Variants in NPAS3 observed in about 807,000 individuals in gnomAD.
The protein encoded by NPAS3 is neuronal PAS domain-containing protein 3.
Under a neutral mutation model 73.1 loss-of-function variants are expected in NPAS3, and 14 were observed. That is an observed-to-expected ratio of 0.19 (90% CI 0.13 to 0.30). The LOEUF (loss-of-function observed/expected upper bound fraction) is 0.30. NPAS3 is among the 10% of genes least tolerant of loss of function. The pLI, the probability that NPAS3 is intolerant of heterozygous loss-of-function variation, is 1.00. For synonymous variants in NPAS3, 620 were observed against 541.5 expected (o/e 1.14, Z -2.01); for missense variants, 1,096 against 1,250.0 (o/e 0.88, Z 1.86).
chr14:33,434,934 G>T (rs141849104), intron 4 of NPAS3, among the ~76,000 whole-genome samples: 2 of 152,150 alleles, frequency 1.3e-5, no homozygotes, highest in African/African-American at 4.8e-5. Context: ...GTAATTTTGA[G>T]GGGGGTGTGG....
At chr14:33,215,924 A>G (rs1594417418) in intron 3 of NPAS3, among the ~76,000 whole-genome samples, 3 of 152,192 alleles carry the variant, frequency 2.0e-5, no homozygotes, top group South Asian at 2.1e-4. Flanking sequence ...CTCTATATAC[A>G]TATTACCTAA....
At chr14:33,475,351 C>T (rs189510866) in intron 4 of NPAS3, among the ~76,000 whole-genome samples, 80 of 152,102 alleles carry the variant, frequency 5.3e-4, no homozygotes, top group Admixed American at 1.3e-3. Flanking sequence ...TAATAATGCA[C>T]ATTAAAAAAG....
chr14:33,723,418 G>A (rs79375264), intron 6 of NPAS3, among the ~76,000 whole-genome samples: 4 of 152,160 alleles, frequency 2.6e-5, no homozygotes, highest in South Asian at 4.2e-4. Context: ...ATCATTTGTT[G>A]TTTACCTGAA....
chr14:33,758,620 T>C (rs1008790140), intron 7 of NPAS3, among the ~76,000 whole-genome samples: 32 of 152,264 alleles, frequency 2.1e-4, no homozygotes, highest in African/African-American at 7.7e-4. Flanking sequence ...TAGAAATTCT[T>C]CTCAATGAAA....
intron 5 of NPAS3, among the ~76,000 whole-genome samples, chr14:33,631,533 G>T (rs769992526): frequency 6.6e-6 from 1 of 152,208 alleles, no homozygotes; most frequent in Non-Finnish European, 1.5e-5. Flanking sequence ...GGAAGAGCAC[G>T]TGTCCCAGTG....
intron 2 of NPAS3, among the ~76,000 whole-genome samples, chr14:33,145,558 T>C (rs2044209125): frequency 6.6e-6 from 1 of 152,220 alleles, no homozygotes. Context: ...ATCTACTTTC[T>C]ATTCTTCCTA....
chr14:33,565,240 A>G (rs535812887), intron 5 of NPAS3, among the ~76,000 whole-genome samples: 1 of 152,306 alleles, frequency 6.6e-6, no homozygotes, highest in South Asian at 2.1e-4. Flanking sequence ...CCTGTTGTTC[A>G]TCTCCATATT....
chr14:33,740,913 A>T (rs2140685493), intron 7 of NPAS3, among the ~76,000 whole-genome samples: 1 of 152,262 alleles, frequency 6.6e-6, no homozygotes, highest in South Asian at 2.1e-4. Context: ...TCTTCTGGAA[A>T]AACTCCATGA....
At chr14:33,168,550 A>G (rs2045258345) in intron 2 of NPAS3, among the ~76,000 whole-genome samples, 1 of 152,172 alleles carries the variant, frequency 6.6e-6, no homozygotes, top group Non-Finnish European at 1.5e-5. Flanking sequence ...CCAAGCCCCT[A>G]AAGATCTTGT....
At chr14:32,935,588 A>AT (rs1254702755), upstream of NPAS3, among the ~76,000 whole-genome samples, 4 of 152,260 alleles carry the variant, frequency 2.6e-5, no homozygotes, top group Non-Finnish European at 5.9e-5. Context: ...ATGCAAATGC[A>AT]TAAGATTCAG....
At chr14:33,784,733 AT>A (rs1361050440) in intron 9 of NPAS3, among the ~76,000 whole-genome samples, 2 of 78,302 alleles carry the variant, frequency 2.6e-5, no homozygotes, top group African/African-American at 1.4e-4. Context: ...TTATTTATTT[AT>A]TTATTTATTT....
At chr14:33,087,894 A>G (rs1019478464) in intron 2 of NPAS3, among the ~76,000 whole-genome samples, 4 of 152,186 alleles carry the variant, frequency 2.6e-5, no homozygotes, top group African/African-American at 9.7e-5. Flanking sequence ...TATATTCATA[A>G]TTGTTTTCAT....
At chr14:32,989,523 A>G (rs529595508) in intron 1 of NPAS3, among the ~76,000 whole-genome samples, 26 of 152,258 alleles carry the variant, frequency 1.7e-4, no homozygotes, top group Admixed American at 1.6e-3. Flanking sequence ...GGGCGCCTGT[A>G]GTCCCAGCTA....
intron 4 of NPAS3, among the ~76,000 whole-genome samples, chr14:33,495,659 G>A (rs936938965): frequency 6.6e-6 from 1 of 152,068 alleles, no homozygotes; most frequent in African/African-American, 2.4e-5. Flanking sequence ...GGGTACTACT[G>A]TGTTAGGTGC....
chr14:33,517,944 T>C (rs1054497445), intron 4 of NPAS3, among the ~76,000 whole-genome samples: 8 of 151,974 alleles, frequency 5.3e-5, no homozygotes. Context: ...CCCAGCACCC[T>C]CCCTGAACCA....
At chr14:33,564,023 T>TA (rs1450499183) in intron 5 of NPAS3, among the ~76,000 whole-genome samples, 1 of 152,206 alleles carries the variant, frequency 6.6e-6, no homozygotes, top group Non-Finnish European at 1.5e-5. Flanking sequence ...TGTTGGCTTA[T>TA]ACTCTCCTCT....
Position 33,242,799 on chromosome 14 carries a change from C to T in NPAS3, c.385+27373C>T, listed in dbSNP as rs959253466. ...GATAATATGGTTTGTGCTTACATTG[C>T]TCCAAGATAAATCTAAGACAATATG... is the stretch of plus-strand genomic sequence containing the variant. On this transcript the variant is annotated intron_variant, in intron 3 of 11. Transcript: ENST00000356141. Among the ~76,000 whole-genome samples the T allele has an allele frequency of 3.3e-5, 5 of 152,072 alleles. No individual in the cohort carries two copies. The East Asian group carries it at 9.6e-4, about 29-fold the overall frequency.
At chr14:33,112,286 A>G (rs1313232662) in intron 2 of NPAS3, among the ~76,000 whole-genome samples, 1 of 152,218 alleles carries the variant, frequency 6.6e-6, no homozygotes, top group Non-Finnish European at 1.5e-5. Context: ...AGTTCCACCA[A>G]CAGTGTAAAA....
chr14:33,700,860 T>C (rs1296856922), intron 6 of NPAS3, among the ~76,000 whole-genome samples: 1 of 152,222 alleles, frequency 6.6e-6, no homozygotes, highest in East Asian at 1.9e-4. Flanking sequence ...AAACCCAGTG[T>C]GGAAGATTTC....
Sources: allele counts gnomAD v4.1 joint callset (sites outside exome capture counted in the v4.1 genomes callset), GRCh38; gene constraint gnomAD v4.1.1; transcripts MANE v1.5; gene names NCBI Gene and HGNC (gene_info 2026-07-23, HGNC 2026-07-21).